The following PRKD1 variants were observed in gnomAD, a reference collection of about 807,000 sequenced individuals.
PRKD1 encodes the protein protein kinase D1.
Under a neutral mutation model 95.9 loss-of-function variants are expected in PRKD1, and 63 were observed. The observed-to-expected ratio is 0.66, with a 90% CI of 0.54 to 0.81. PRKD1 has a LOEUF of 0.81. Among genes scored for constraint, PRKD1 ranks in the 30% least tolerant of loss-of-function variants. The pLI is 0.00. For synonymous variants in PRKD1, 425 were observed against 423.1 expected, an observed-to-expected ratio of 1.00 and a Z score of -0.05; for missense variants, 1,048 against 1,165.3, an observed-to-expected ratio of 0.90 and a Z score of 1.47.
intron 1 of PRKD1, among the ~76,000 whole-genome samples, chr14:29,775,266 G>A (rs1433437907): frequency 6.6e-6 from 1 of 152,188 alleles, no homozygotes. Context: ...GAGGTACCAG[G>A]TTCGTCTCAT....
At chr14:29,748,639 C>T (rs952877641) in intron 1 of PRKD1, among the ~76,000 whole-genome samples, 3 of 152,200 alleles carry the variant, frequency 2.0e-5, no homozygotes, top group African/African-American at 7.2e-5. Flanking sequence ...GTGTAAGCTT[C>T]CAGGAAGCAG....
At chr14:29,745,703 C>T (rs1246090946) in intron 1 of PRKD1, among the ~76,000 whole-genome samples, 1 of 151,936 alleles carries the variant, frequency 6.6e-6, no homozygotes. Context: ...TCTCAAACAT[C>T]TGGCCTCAAT....
intron 1 of PRKD1, among the ~76,000 whole-genome samples, chr14:29,926,735 C>G (rs1273369728): frequency 2.0e-5 from 3 of 152,168 alleles, no homozygotes; most frequent in Non-Finnish European, 2.9e-5. Context: ...TGGGTACCTG[C>G]ACTCCTGGTC....
rs72142312 is a variant in PRKD1 at position 29,616,243 on chromosome 14, C to CAAAAAAAAAAAAAAAAAAAAAAAAA, written c.1905+7908_1905+7909insTTTTTTTTTTTTTTTTTTTTTTTTT. Among the ~76,000 whole-genome samples, 7 of 33,964 alleles carry CAAAAAAAAAAAAAAAAAAAAAAAAA rather than the reference C, an allele frequency of 2.1e-4. 2 individuals carry two copies. Among genetic ancestry groups the CAAAAAAAAAAAAAAAAAAAAAAAAA allele is most frequent in the African/African-American group, 2.6e-4 (2 of 7,838 alleles). The allele number at this position is 33,964 out of a possible 152,430, so 22.3% of individuals were successfully genotyped here. On this transcript the variant is annotated intron_variant, in intron 13 of 17. Coordinates refer to ENST00000331968, the MANE Select transcript of PRKD1 (RefSeq NM_002742.3). ...GAGCCTTAGAAATCAAGAGTATGGC[C>CAAAAAAAAAAAAAAAAAAAAAAAAA]AAAAAAAAAAAAAAAAAAAAAAGCC...
chr14:29,906,258 G>C (rs1894491734), intron 1 of PRKD1, among the ~76,000 whole-genome samples: 1 of 152,084 alleles, frequency 6.6e-6, no homozygotes, highest in Admixed American at 6.5e-5. Context: ...TGAAATCTAG[G>C]CTGGGTGTAG....
chr14:29,744,981 C>T (rs1319444734), intron 1 of PRKD1, among the ~76,000 whole-genome samples: 1 of 152,200 alleles, frequency 6.6e-6, no homozygotes, highest in African/African-American at 2.4e-5. Flanking sequence ...TCTTCTTCTA[C>T]CTCTTTTCCT....
At chr14:29,588,501 G>A (rs533392320) in intron 16 of PRKD1, among the ~76,000 whole-genome samples, 1 of 152,144 alleles carries the variant, frequency 6.6e-6, no homozygotes, top group South Asian at 2.1e-4. Flanking sequence ...TAAATGTAGT[G>A]GTATATTATG....
chr14:29,652,107 C>G (rs1174923297), intron 4 of PRKD1, among the ~76,000 whole-genome samples: 1 of 152,062 alleles, frequency 6.6e-6, no homozygotes, highest in East Asian at 1.9e-4. Flanking sequence ...ATTAAGGGAG[C>G]AGAAACTTAA....
intron 1 of PRKD1, among the ~76,000 whole-genome samples, chr14:29,902,151 T>C (rs529701853): frequency 1.3e-5 from 2 of 151,844 alleles, no homozygotes; most frequent in South Asian, 4.2e-4. Flanking sequence ...CCCAGCTACT[T>C]GGAAGGCTGA....
intron 2 of PRKD1, among the ~76,000 whole-genome samples, chr14:29,725,077 T>C (rs1408528914): frequency 6.6e-6 from 1 of 152,212 alleles, no homozygotes; most frequent in South Asian, 2.1e-4. Context: ...TCTGGCTTCC[T>C]CCTTGGTCTT....
chr14:29,586,943 A>T (rs1892954683), intron 16 of PRKD1, among the ~76,000 whole-genome samples: 1 of 152,036 alleles, frequency 6.6e-6, no homozygotes, highest in Non-Finnish European at 1.5e-5. Context: ...TCTTAATTAG[A>T]CTCATTGACC....
At chr14:29,873,960 T>C (rs142075005) in intron 1 of PRKD1, among the ~76,000 whole-genome samples, 2 of 152,262 alleles carry the variant, frequency 1.3e-5, no homozygotes, top group African/African-American at 4.8e-5. Context: ...AATGAAAAAC[T>C]CTTCATTCAC....
intron 1 of PRKD1, among the ~76,000 whole-genome samples, chr14:29,869,423 G>A (rs1216502944): frequency 2.0e-5 from 3 of 150,810 alleles, no homozygotes; most frequent in African/African-American, 7.3e-5. Flanking sequence ...CTGGACAAGA[G>A]CGAAACTCCA....
intron 1 of PRKD1, among the ~76,000 whole-genome samples, chr14:29,826,626 CATATATATGTGTGTGTGT>C (rs1216235939): frequency 6.8e-5 from 8 of 117,446 alleles, no homozygotes; most frequent in Admixed American, 1.9e-4. Flanking sequence ...TATACACACA[CATATATATGTGTGTGTGT>C]ATATATATGT....
chr14:29,832,143 A>G (rs57803087), intron 1 of PRKD1, among the ~76,000 whole-genome samples: 15,776 of 152,086 alleles, frequency 0.1, 1,423 homozygotes, highest in East Asian at 0.25. Context: ...ACGGCCATAT[A>G]CTTTTCCAAA....
rs927537954 is a variant in PRKD1 at position 29,618,933 on chromosome 14, C to T, written c.1905+5219G>A. 2.6e-5 allele frequency among the ~76,000 whole-genome samples: 4 copies of T among 152,088 alleles called. No homozygotes were observed. The East Asian group carries it at 7.7e-4, about 29-fold the overall frequency. Reference sequence around the variant, plus strand: ...CAGAGCTGACTGAGGAGGATTTTGCCCCATTGGCATTTCAACCCACATGGT... The same window carrying T: ...CAGAGCTGACTGAGGAGGATTTTGCTCCATTGGCATTTCAACCCACATGGT... On this transcript the variant is annotated intron_variant, in intron 13 of 17. Transcript: ENST00000331968.
At chr14:29,830,374 T>C (rs1245883756) in intron 1 of PRKD1, among the ~76,000 whole-genome samples, 1 of 152,216 alleles carries the variant, frequency 6.6e-6, no homozygotes, top group South Asian at 2.1e-4. Flanking sequence ...GTGGAGTTTG[T>C]CTTTGTACAA....
At chr14:29,638,658 T>C in intron 5 of PRKD1, 36 bp downstream of exon 5, 1 of 1,611,654 alleles carries the variant, frequency 6.2e-7, no homozygotes, top group Non-Finnish European at 8.5e-7. Context: ...TGAATGAGGG[T>C]GATCAAAGTT....
At chr14:29,794,170 A>G (rs557648802) in intron 1 of PRKD1, among the ~76,000 whole-genome samples, 5 of 152,160 alleles carry the variant, frequency 3.3e-5, no homozygotes, top group African/African-American at 9.6e-5. Context: ...ATTTTAGACT[A>G]TTTTTGAGTT....
Sources: allele counts gnomAD v4.1 joint callset (sites outside exome capture counted in the v4.1 genomes callset), GRCh38; gene constraint gnomAD v4.1.1; transcripts MANE v1.5; gene names NCBI Gene and HGNC (gene_info 2026-07-23, HGNC 2026-07-21).